Variants in VIRMA observed in about 807,000 individuals in gnomAD.
VIRMA encodes the protein protein virilizer homolog.
Under a neutral mutation model 182.4 loss-of-function variants are expected in VIRMA, and 65 were observed. The ratio of observed to expected loss-of-function variants is 0.36; its 90% CI spans 0.29 to 0.44. The LOEUF is 0.44. Ranked by LOEUF, VIRMA falls within the 20% of genes least tolerant of loss-of-function variation. The pLI is 1.00. For synonymous variants in VIRMA, 709 were observed against 743.1 expected (o/e 0.95, Z 0.75); for missense variants, 1,752 against 2,158.1 (o/e 0.81, Z 3.73).
intron 1 of VIRMA, chr8:94,547,015 TC>T: frequency 2.2e-6 from 1 of 455,214 alleles, no homozygotes; most frequent in Non-Finnish European, 4.4e-6. Context: ...CTGCCCCAAC[TC>T]CTTTTACAAG....
chr8:94,512,062 C>T lies in VIRMA; in HGVS notation c.2779G>A (p.Gly927Arg). ...QNIDNLMTPEGVGLTTALRVL... is the reference protein window; with the variant it reads ...QNIDNLMTPERVGLTTALRVL... ...CGTAAGGCAGTGGTAAGGCCAACTC[C>T]TTCTGGGGTCATCAAGTTATCGATA... Residue 927 changes from glycine to arginine, a missense_variant, in exon 12 of 24, where the codon GGA (glycine) becomes AGA (arginine). Gly to Arg is a moderately radical substitution (Grantham distance 125). Coordinates refer to ENST00000297591, the MANE Select transcript of VIRMA (RefSeq NM_015496.5). 1 of 1,507,626 alleles carries T rather than the reference C, an allele frequency of 6.6e-7. No homozygotes were observed. Among genetic ancestry groups the T allele is most frequent in the South Asian group, 1.4e-5 (1 of 71,362 alleles). 93.4% of individuals were successfully genotyped at this position (1,507,626 alleles called of 1,614,324 possible).
intron 6 of VIRMA, 28 bp from the exon 7 acceptor site, chr8:94,529,370 C>A: frequency 7.4e-7 from 1 of 1,342,296 alleles, no homozygotes. Flanking sequence ...AAGGCACAGA[C>A]TATTTTAATG....
chr8:94,548,750 G>C (rs1285321934), intron 1 of VIRMA, among the ~76,000 whole-genome samples: 1 of 152,140 alleles, frequency 6.6e-6, no homozygotes, highest in Admixed American at 6.5e-5. Context: ...CCACCTCCCA[G>C]GTTCACGCCA....
In VIRMA at chr8:94,511,272, T is replaced by G. The variant is rs755648036; in HGVS notation, c.3303A>C (p.Ser1101=). The G allele has an allele frequency of 9.3e-6, 15 of 1,614,046 alleles. No individual in the cohort carries two copies. The highest frequency in any genetic ancestry group is 1.3e-5 in the Non-Finnish European group (15 of 1,179,982). ...AAAATCCTTCAGGAACCTTCAAGAT[T>G]GAAGAAAGAACTTCTTTTAACATTA... ...WSLMLKEVLS[S]ILKVPEGFFS... is the part of the protein sequence containing the mutation. Residue 1101 remains serine (S), a synonymous_variant, in exon 13 of 24, where the codon TCA becomes TCC. Transcript: ENST00000297591.
intron 17 of VIRMA, chr8:94,497,391 C>T (rs1386686230): frequency 6.6e-6 from 1 of 152,206 alleles, no homozygotes; most frequent in Non-Finnish European, 1.5e-5. Flanking sequence ...GTGTGAGCCA[C>T]CTTGCCTAAC....
At chr8:94,531,176 G>T in intron 5 of VIRMA, 91 bp from the exon 6 acceptor site, 1 of 1,319,680 alleles carries the variant, frequency 7.6e-7, no homozygotes, top group South Asian at 1.9e-5. Context: ...CCACTTACAT[G>T]TGATTTTTTT....
At chr8:94,544,169 T>C (rs1338132288) in intron 1 of VIRMA, among the ~76,000 whole-genome samples, 4 of 152,122 alleles carry the variant, frequency 2.6e-5, no homozygotes, top group African/African-American at 9.7e-5. Flanking sequence ...ACTTCCCTGC[T>C]GATGTTTTGC....
intron 6 of VIRMA, among the ~76,000 whole-genome samples, chr8:94,530,338 C>T (rs961952562): frequency 6.6e-6 from 1 of 151,682 alleles, no homozygotes; most frequent in Non-Finnish European, 1.5e-5. Context: ...AACTTCTTCT[C>T]TATAAAAAAT....
chr8:94,490,276 C>G (rs924072904), intron 22 of VIRMA, 194 bp from the exon 23 acceptor site: 1 of 557,544 alleles, frequency 1.8e-6, no homozygotes, highest in Non-Finnish European at 3.1e-6. Flanking sequence ...GGATCAAATA[C>G]TGGTTCTACC....
rs1392301998 is a variant in VIRMA, at chr8:94,509,819, T to C, written c.3748A>G (p.Ile1250Val). Residue 1250 changes from isoleucine (I) to valine (V), a missense_variant, in exon 15 of 24, where the codon ATT becomes GTT. By Grantham distance (29) the Ile-to-Val change is conservative (BLOSUM62 3). Coordinates refer to ENST00000297591, the MANE Select transcript of VIRMA (RefSeq NM_015496.5). ...TCTGCATATCTTTCATCACCTTTAA[T>C]AGTTCCATTAATTAGATGCAAAATA... ...LAILHLINGT[I>V]KGDERYAEIF... 6.2e-6 allele frequency: 10 copies of C among 1,614,122 alleles called. No homozygotes were observed. In the East Asian group the frequency reaches 2.2e-4, roughly 36 times the overall value.
intron 16 of VIRMA, among the ~76,000 whole-genome samples, chr8:94,505,773 TG>T (rs1814133072): frequency 6.6e-6 from 1 of 152,178 alleles, no homozygotes; most frequent in African/African-American, 2.4e-5. Context: ...ATTATAGGTA[TG>T]AGCCACCATG....
rs560304943 is a variant in VIRMA, at chr8:94,496,475, G to C, written c.4236C>G (p.Cys1412Trp). The part of the protein sequence containing the change: ...RQILNSDTIG[C>W]CGDDNGLMEV... ...CCATGAGACCATTATCATCTCCACA[G>C]CATCCCTGTAAATGTCACACATAAG... Residue 1412 changes from cysteine to tryptophan, a missense_variant, in exon 18 of 24, where the codon TGC (cysteine) becomes TGG (tryptophan). Transcript: ENST00000297591. The C allele has an allele frequency of 3.7e-6, 6 of 1,607,588 alleles. No homozygotes were observed. In the African/African-American group the frequency reaches 6.7e-5, roughly 18 times the overall value.
chr8:94,540,505 C>T (rs1466689450), intron 2 of VIRMA, among the ~76,000 whole-genome samples: 3 of 144,320 alleles, frequency 2.1e-5, no homozygotes, highest in African/African-American at 7.8e-5. Flanking sequence ...GCTCTTGTCG[C>T]CCAGGCTGGA....
At chr8:94,517,626 C>T (rs1323906226) in intron 10 of VIRMA, among the ~76,000 whole-genome samples, 162 bp downstream of exon 10, 1 of 152,106 alleles carries the variant, frequency 6.6e-6, no homozygotes, top group Non-Finnish European at 1.5e-5. Context: ...ATTTTATCAA[C>T]CTTTAGTTTT....
intron 1 of VIRMA, among the ~76,000 whole-genome samples, chr8:94,548,866 C>A (rs1452204938): frequency 2.0e-5 from 3 of 152,054 alleles, no homozygotes; most frequent in Non-Finnish European, 2.9e-5. Flanking sequence ...ACCAGGTTAG[C>A]CAGGATGGTC....
intron 15 of VIRMA, 36 bp downstream of exon 15, chr8:94,509,652 A>C: frequency 1.3e-6 from 2 of 1,579,472 alleles, no homozygotes; most frequent in Non-Finnish European, 1.7e-6. Context: ...ACACATACAC[A>C]TGCAGAGAGA....
intron 4 of VIRMA, among the ~76,000 whole-genome samples, chr8:94,535,470 T>G (rs1815308357): frequency 6.6e-6 from 1 of 152,202 alleles, no homozygotes; most frequent in Non-Finnish European, 1.5e-5. Flanking sequence ...ATATTTTACG[T>G]ACCCACATTG....
In VIRMA at chr8:94,513,425, CAA is replaced by C. The variant is rs34173786; in HGVS notation, c.2752-1338_2752-1337del. On this transcript the variant is annotated intron_variant, in intron 11 of 23. Coordinates refer to ENST00000297591, the MANE Select transcript of VIRMA (RefSeq NM_015496.5). ...TCTTAGCTCATAGTAGAGTCTAGAC[CAA>C]AAAAAAAAAAAAAAAAAAGTTACTA... 9.8e-4 allele frequency among the ~76,000 whole-genome samples: 113 copies of C among 114,988 alleles called. 1 individual carries two copies. Among genetic ancestry groups the C allele is most frequent in the African/African-American group, 1.9e-3 (64 of 32,900 alleles). 75.4% of individuals were successfully genotyped at this position (114,988 alleles called of 152,430 possible).
intron 1 of VIRMA, among the ~76,000 whole-genome samples, chr8:94,544,578 G>A (rs1211956702): frequency 1.3e-5 from 2 of 149,900 alleles, no homozygotes; most frequent in Non-Finnish European, 3.0e-5. Context: ...GGAGAATGGC[G>A]TGAACCCGGG....
Sources: gnomAD v4.1 joint callset for allele counts (sites outside exome capture counted in the v4.1 genomes callset) on GRCh38, gnomAD v4.1.1 for gene constraint, MANE v1.5 for transcripts, NCBI Gene and HGNC (gene_info 2026-07-23, HGNC 2026-07-21) for gene names.